Variants in ZPBP observed in about 807,000 individuals in gnomAD.
ZPBP encodes zona pellucida binding protein, also known as zona pellucida-binding protein 1.
Under a neutral mutation model 44.8 loss-of-function variants are expected in ZPBP, and 26 were observed. The observed-to-expected ratio is 0.58, with a 90% CI of 0.43 to 0.81. The LOEUF is 0.81. Ranked by LOEUF, ZPBP falls within the 30% of genes least tolerant of loss-of-function variation. The pLI, the probability that ZPBP is intolerant of heterozygous loss-of-function variation, is 0.00. For missense variants in ZPBP, 409 were observed against 434.0 expected (o/e 0.94, Z 0.51); for synonymous variants, 174 against 153.2 (o/e 1.14, Z -1.00).
intron 3 of ZPBP, among the ~76,000 whole-genome samples, chr7:50,071,477 T>C (rs1236858193): frequency 6.6e-6 from 1 of 152,106 alleles, no homozygotes; most frequent in African/African-American, 2.4e-5. Flanking sequence ...AGTGCTGAAC[T>C]AGGCCCAAAG....
At chr7:50,027,258 G>C (rs1284365706) in intron 5 of ZPBP, among the ~76,000 whole-genome samples, 1 of 151,936 alleles carries the variant, frequency 6.6e-6, no homozygotes, top group Non-Finnish European at 1.5e-5. Flanking sequence ...CATCCTGGTG[G>C]TCATTTGGAC....
chr7:50,033,184 T>A (rs969636436), intron 4 of ZPBP, among the ~76,000 whole-genome samples: 1 of 152,230 alleles, frequency 6.6e-6, no homozygotes, highest in Non-Finnish European at 1.5e-5. Context: ...CCTTTCTCTC[T>A]GATTTCTTCT....
chr7:50,024,081 G>C (rs578245198), intron 5 of ZPBP, among the ~76,000 whole-genome samples: 1 of 152,128 alleles, frequency 6.6e-6, no homozygotes, highest in African/African-American at 2.4e-5. Context: ...CCAATAATCA[G>C]GGAAATGCAA....
intron 2 of ZPBP, among the ~76,000 whole-genome samples, chr7:49,857,163 A>G (rs1790459777): frequency 6.6e-6 from 1 of 152,014 alleles, no homozygotes; most frequent in African/African-American, 2.4e-5. Flanking sequence ...GAAACTTTAT[A>G]CCCATTCAAC....
chr7:50,024,442 T>G (rs1288306092), intron 5 of ZPBP, among the ~76,000 whole-genome samples: 2 of 127,270 alleles, frequency 1.6e-5, no homozygotes, highest in Admixed American at 8.0e-5. Context: ...TAGATATAAA[T>G]AAATATATAA....
At chr7:49,846,764 C>T (rs929235156), downstream of ZPBP, among the ~76,000 whole-genome samples, 1 of 152,172 alleles carries the variant, frequency 6.6e-6, no homozygotes, top group African/African-American at 2.4e-5. Flanking sequence ...TCATAATTTC[C>T]TGATATAGGA....
At chr7:50,045,042 C>A (rs1800277953) in intron 4 of ZPBP, among the ~76,000 whole-genome samples, 3 of 152,146 alleles carry the variant, frequency 2.0e-5, no homozygotes. Context: ...GAATCAATGA[C>A]AAAAACCACA....
intron 4 of ZPBP, among the ~76,000 whole-genome samples, chr7:50,041,200 C>T (rs1032461153): frequency 1.3e-5 from 2 of 152,204 alleles, no homozygotes; most frequent in African/African-American, 4.8e-5. Flanking sequence ...TGGGACAGAG[C>T]ACCTGGGGGA....
intron 1 of ZPBP, chr7:49,921,720 AT>A (rs745714495): frequency 9.9e-5 from 15 of 152,204 alleles, no homozygotes; most frequent in Non-Finnish European, 2.1e-4. Context: ...TAAATGAATA[AT>A]TTAATTTAGT....
intron 2 of ZPBP, among the ~76,000 whole-genome samples, chr7:49,887,225 G>T (rs1489014933): frequency 2.0e-5 from 3 of 152,142 alleles, no homozygotes; most frequent in Non-Finnish European, 4.4e-5. Flanking sequence ...TTGTGGTCTA[G>T]CTCTGACACA....
At chr7:50,075,266 A>C (rs1374120963) in intron 3 of ZPBP, among the ~76,000 whole-genome samples, 1 of 151,918 alleles carries the variant, frequency 6.6e-6, no homozygotes, top group Non-Finnish European at 1.5e-5. Context: ...GGGATACAGC[A>C]AAATCAGTAC....
At chr7:50,087,851 T>G (rs1044387386) in intron 2 of ZPBP, among the ~76,000 whole-genome samples, 1 of 152,014 alleles carries the variant, frequency 6.6e-6, no homozygotes, top group Non-Finnish European at 1.5e-5. Context: ...AAGGCGACAA[T>G]ACTCCTAAAA....
intron 2 of ZPBP, among the ~76,000 whole-genome samples, chr7:50,086,014 C>T (rs1056071773): frequency 6.6e-6 from 1 of 152,098 alleles, no homozygotes; most frequent in Non-Finnish European, 1.5e-5. Context: ...AAAGGTACGT[C>T]ACAACGTGCA....
chr7:50,059,259 T>C (rs142563932), intron 3 of ZPBP, among the ~76,000 whole-genome samples: 19 of 152,342 alleles, frequency 1.2e-4, no homozygotes, highest in Non-Finnish European at 2.2e-4. Context: ...TGAGTGTTCA[T>C]AGGGATGAAA....
intron 4 of ZPBP, among the ~76,000 whole-genome samples, chr7:50,040,511 T>A (rs1800026278): frequency 6.6e-6 from 1 of 152,094 alleles, no homozygotes. Flanking sequence ...CAGCCTACAG[T>A]GGGCGAGCTG....
At chr7:50,043,197 T>C (rs1204086841) in intron 4 of ZPBP, among the ~76,000 whole-genome samples, 2 of 152,210 alleles carry the variant, frequency 1.3e-5, no homozygotes, top group Admixed American at 1.3e-4. Flanking sequence ...CGTTAAGTAA[T>C]ACTTTTAATC....
At chr7:49,931,380 G>T (rs1583862261) in intron 1 of ZPBP, among the ~76,000 whole-genome samples, 1 of 152,172 alleles carries the variant, frequency 6.6e-6, no homozygotes, top group East Asian at 1.9e-4. Flanking sequence ...GAATAGTTTT[G>T]CCCAAAATTC....
intron 7 of ZPBP, among the ~76,000 whole-genome samples, chr7:49,976,012 C>G (rs1757659838): frequency 6.6e-6 from 1 of 152,004 alleles, no homozygotes; most frequent in South Asian, 2.1e-4. Flanking sequence ...CTTTTAGTGG[C>G]TGTCCTAAAG....
At chr7:50,006,022 C>A (rs1349184721) in intron 6 of ZPBP, among the ~76,000 whole-genome samples, 1 of 151,510 alleles carries the variant, frequency 6.6e-6, no homozygotes, top group Non-Finnish European at 1.5e-5. Context: ...CAGAAAAAAA[C>A]AGACAAGTCA....
Sources: allele counts gnomAD v4.1 joint callset (sites outside exome capture counted in the v4.1 genomes callset), GRCh38; gene constraint gnomAD v4.1.1; transcripts MANE v1.5; gene names NCBI Gene and HGNC (gene_info 2026-07-23, HGNC 2026-07-21).